SIL1: variants seen among roughly 807,000 people sequenced by gnomAD.
SIL1 encodes the protein nucleotide exchange factor SIL1.
In SIL1, 40 loss-of-function variants were observed where a neutral mutation model predicts 49.1. The ratio of observed to expected loss-of-function variants is 0.81; its 90% CI spans 0.63 to 1.06. The LOEUF (loss-of-function observed/expected upper bound fraction) is 1.06. SIL1 is among the 50% of genes least tolerant of loss of function. The pLI is 0.00. For synonymous variants in SIL1, 253 were observed against 250.8 expected, an observed-to-expected ratio of 1.01 and a Z score of -0.08; for missense variants, 500 against 572.6, an observed-to-expected ratio of 0.87 and a Z score of 1.29.
intron 3 of SIL1, among the ~76,000 whole-genome samples, chr5:139,066,475 A>C (rs1009167113): frequency 1.3e-4 from 19 of 150,294 alleles, no homozygotes; most frequent in African/African-American, 4.2e-4. Flanking sequence ...TCCATTTTTT[A>C]ATAGGCTAGC....
intron 7 of SIL1, chr5:139,012,868 G>A (rs1170254816): frequency 6.6e-6 from 1 of 152,238 alleles, no homozygotes; most frequent in Non-Finnish European, 1.5e-5. Flanking sequence ...AGCTAGACAG[G>A]AGGCTGAGGC....
intron 1 of SIL1, among the ~76,000 whole-genome samples, chr5:139,154,142 T>C (rs1751360692): frequency 6.6e-6 from 1 of 152,236 alleles, no homozygotes; most frequent in Admixed American, 6.5e-5. Context: ...GGATGATAAC[T>C]TGGCATTTAT....
rs531456778 is a variant in SIL1, at chr5:138,969,650, C to T, written c.768-17766G>A. ...ACAGAGCCACACAGGGGAGCAACAA[C>T]ATTGGAAGAGGGCAAGGTCAAGTTG... On this transcript the variant is annotated intron_variant, in intron 7 of 9. Transcript: ENST00000394817. Among the ~76,000 whole-genome samples the T allele has an allele frequency of 1.7e-3, 253 of 152,352 alleles. 2 individuals carry two copies. The highest frequency in any genetic ancestry group is 5.6e-3 in the African/African-American group (232 of 41,594).
rs572724787 is a variant in SIL1, at chr5:139,135,373, T to C, written c.-10-7520A>G. Among the ~76,000 whole-genome samples the C allele has an allele frequency of 7.9e-5, 12 of 152,062 alleles. No homozygotes were observed. In the South Asian group the frequency reaches 2.5e-3, roughly 32 times the overall value. ...GTTATTAGAGGAGGCTGTTGGAGGG[T>C]AGAGGGTTCACAATGGATCCAAGCC... On this transcript the variant is annotated intron_variant, in intron 1 of 9. Coordinates refer to ENST00000394817, the MANE Select transcript of SIL1 (RefSeq NM_022464.5).
At chr5:138,963,158 G>A (rs1260295125) in intron 7 of SIL1, among the ~76,000 whole-genome samples, 1 of 152,148 alleles carries the variant, frequency 6.6e-6, no homozygotes, top group Non-Finnish European at 1.5e-5. Flanking sequence ...GGGGAGAGCG[G>A]AGGAGGCCAG....
chr5:138,969,881 G>A (rs997975941), intron 7 of SIL1, among the ~76,000 whole-genome samples: 2 of 152,162 alleles, frequency 1.3e-5, no homozygotes, highest in African/African-American at 4.8e-5. Flanking sequence ...GGAAGCAGTG[G>A]GCAAGGAACC....
At chr5:138,964,304 T>A (rs1210735258) in intron 7 of SIL1, among the ~76,000 whole-genome samples, 1 of 152,196 alleles carries the variant, frequency 6.6e-6, no homozygotes, top group African/African-American at 2.4e-5. Context: ...CCTGTCTCTA[T>A]CAGACAAAAT....
At position 139,178,942 on chromosome 5, in the gene SIL1, T is replaced by A. The variant is rs566239479; in HGVS notation, c.-11+19327A>T. ...AAGCTGTATCCAAATCAAAGAGTTC[T>A]ACTTAGAGCTGTTCTCCTCCCTACA... On this transcript the variant is annotated intron_variant, in intron 1 of 9. Transcript: ENST00000394817. 2.0e-5 allele frequency among the ~76,000 whole-genome samples: 3 copies of A among 152,328 alleles called. No individual in the cohort carries two copies. In the South Asian group the frequency reaches 6.2e-4, roughly 32 times the overall value.
At chr5:139,010,246 T>G (rs1364777301) in intron 7 of SIL1, among the ~76,000 whole-genome samples, 1 of 149,972 alleles carries the variant, frequency 6.7e-6, no homozygotes, top group Non-Finnish European at 1.5e-5. Context: ...TTCTTCCAGT[T>G]GATCGCATCG....
intron 7 of SIL1, among the ~76,000 whole-genome samples, chr5:138,992,739 A>T (rs1767784796): frequency 6.6e-6 from 1 of 152,140 alleles, no homozygotes. Flanking sequence ...GGGGTGAGGG[A>T]TAAAAGACTA....
At chr5:139,004,502 C>T (rs1055382682) in intron 7 of SIL1, among the ~76,000 whole-genome samples, 9 of 152,064 alleles carry the variant, frequency 5.9e-5, no homozygotes, top group Admixed American at 2.0e-4. Flanking sequence ...CATGTGAGAC[C>T]TTTATATTCA....
chr5:139,012,616 A>G (rs975575651), intron 7 of SIL1: 1 of 152,204 alleles, frequency 6.6e-6, no homozygotes, highest in Non-Finnish European at 1.5e-5. Context: ...GTTCCCAATT[A>G]TGTCATGATT....
chr5:139,131,021 G>C (rs1254650596), intron 1 of SIL1, among the ~76,000 whole-genome samples: 1 of 152,210 alleles, frequency 6.6e-6, no homozygotes, highest in Non-Finnish European at 1.5e-5. Context: ...ATTTGGAATA[G>C]TGAAAATATT....
intron 4 of SIL1, among the ~76,000 whole-genome samples, chr5:139,047,677 GGAA>G (rs1460879183): frequency 7.9e-5 from 12 of 152,360 alleles, no homozygotes; most frequent in African/African-American, 2.9e-4. Context: ...TAAGGGGCCA[GGAA>G]GACACCATGA....
At chr5:139,112,409 TG>T (rs1770874340) in intron 3 of SIL1, among the ~76,000 whole-genome samples, 1 of 151,010 alleles carries the variant, frequency 6.6e-6, no homozygotes, top group Admixed American at 6.6e-5. Flanking sequence ...GGAGCGTCTC[TG>T]CCCGGCTGCC....
Position 139,021,589 on chromosome 5 carries a change from C to A in SIL1, c.646-297G>T, listed in dbSNP as rs1768529617. On this transcript the variant is annotated intron_variant, in intron 6 of 9. Transcript: ENST00000394817. ...AAAATTCTAATATCATAATGAGTCA[C>A]AAAGCTTGCTCCTAATGTACAAGCT... Among the ~76,000 whole-genome samples the A allele has an allele frequency of 4.6e-5, 7 of 152,180 alleles. 1 individual carries two copies. Among genetic ancestry groups the A allele is most frequent in the Admixed American group, 4.6e-4 (7 of 15,268 alleles).
At chr5:138,998,293 G>T (rs1767915324) in intron 7 of SIL1, among the ~76,000 whole-genome samples, 1 of 152,058 alleles carries the variant, frequency 6.6e-6, no homozygotes, top group Non-Finnish European at 1.5e-5. Context: ...TGATCCTCCT[G>T]AGTAGCTGCG....
In SIL1 at chr5:138,948,219, C is replaced by T. The variant is rs543072687; in HGVS notation, c.1030-746G>A. ...CACAGTGGACCACCTGTGCTTCCTG[C>T]GGCAGCAGGAAGTCGTGGGGCTGAT... is the stretch of plus-strand genomic sequence containing the variant. On this transcript the variant is annotated intron_variant, in intron 9 of 9. Transcript: ENST00000394817. This position sits in a 1 kb window ranked among gnomAD's most constrained non-coding sequence, Gnocchi z 4.8. Among the ~76,000 whole-genome samples, 16 of 152,254 alleles carry T rather than the reference C, an allele frequency of 1.1e-4. No individual in the cohort carries two copies. The highest frequency in any genetic ancestry group is 5.9e-4 in the Admixed American group (9 of 15,300).
chr5:138,948,086 G>C lies in SIL1; in HGVS notation c.1030-613C>G, dbSNP rs528427708. Among the ~76,000 whole-genome samples the C allele has an allele frequency of 2.0e-5, 3 of 152,224 alleles. No homozygotes were observed. The highest frequency in any genetic ancestry group is 4.4e-5 in the Non-Finnish European group (3 of 68,044). ...GCAGAGATCTCCCGTGCAGCTGTAG[G>C]AAGTGTGCCTGTATGGAGAAAGAAG... On this transcript the variant is annotated intron_variant, in intron 9 of 9. Coordinates refer to ENST00000394817, the MANE Select transcript of SIL1 (RefSeq NM_022464.5). The surrounding 1 kb of genome is among the most constrained non-coding windows in gnomAD (Gnocchi z 4.8).
Sources: allele counts gnomAD v4.1 joint callset (sites outside exome capture counted in the v4.1 genomes callset), GRCh38; gene constraint gnomAD v4.1.1; non-coding constraint Gnocchi (gnomAD v3.1); transcripts MANE v1.5; gene names NCBI Gene and HGNC (gene_info 2026-07-23, HGNC 2026-07-21).